The following JMJD1C variants were observed in gnomAD, a reference collection of about 807,000 sequenced individuals.
JMJD1C encodes the protein jumonji domain containing 1C, also known as jumonji domain-containing protein 1C.
JMJD1C carries 31 observed loss-of-function variants against 245.3 expected under a neutral mutation model. The ratio of observed to expected loss-of-function variants is 0.13; its 90% CI spans 0.09 to 0.17. The LOEUF is 0.17. Among genes scored for constraint, JMJD1C ranks in the 10% least tolerant of loss-of-function variants. The probability of loss-of-function intolerance (pLI) is 1.00; values close to 1 mark genes in which losing one functional copy is unlikely to be tolerated. For missense variants in JMJD1C, 2,691 were observed against 3,000.2 expected, an observed-to-expected ratio of 0.90 and a Z score of 2.41; for synonymous variants, 1,057 against 1,017.4, an observed-to-expected ratio of 1.04 and a Z score of -0.74.
chr10:63,431,703 G>C (rs897714611), intron 1 of JMJD1C, among the ~76,000 whole-genome samples: 2 of 152,302 alleles, frequency 1.3e-5, no homozygotes, highest in South Asian at 4.1e-4. Context: ...AGGTTTTGGG[G>C]TATGCACTGT....
chr10:63,361,726 A>G (rs1287537681), intron 2 of JMJD1C, among the ~76,000 whole-genome samples: 1 of 45,694 alleles, frequency 2.2e-5, no homozygotes, highest in African/African-American at 6.7e-5. Context: ...AACTAAAAAA[A>G]AAAAAAAAAA....
At chr10:63,339,331 G>C (rs982186052) in intron 2 of JMJD1C, among the ~76,000 whole-genome samples, 1 of 152,102 alleles carries the variant, frequency 6.6e-6, no homozygotes, top group Non-Finnish European at 1.5e-5. Flanking sequence ...ATAAGATCAA[G>C]AAAAGTGAGG....
chr10:63,286,321 G>A (rs1857974921), intron 2 of JMJD1C, among the ~76,000 whole-genome samples: 1 of 152,168 alleles, frequency 6.6e-6, no homozygotes, highest in African/African-American at 2.4e-5. Flanking sequence ...CACTGAGGGT[G>A]GGTCCCAGGA....
In JMJD1C at chr10:63,512,658, T is replaced by C. The variant is rs185351403; in HGVS notation, n.113+9080A>G. Among the ~76,000 whole-genome samples, 233 of 152,346 alleles carry C rather than the reference T, an allele frequency of 1.5e-3. 1 individual carries two copies. Among genetic ancestry groups the C allele is most frequent in the Non-Finnish European group, 1.4e-3 (93 of 68,028 alleles). On this transcript the variant is annotated intron_variant and non_coding_transcript_variant, in intron 1 of 3. Coordinates refer to the JMJD1C transcript ENST00000633035. The stretch of plus-strand genomic sequence containing the variant: ...GATTTTCTGAAGTTTGAATATGGTG[T>C]GGCTAAGTGTAGATTTTTGGCACTT...
chr10:63,289,621 C>T (rs1013590353), intron 2 of JMJD1C, among the ~76,000 whole-genome samples: 4 of 152,102 alleles, frequency 2.6e-5, no homozygotes, highest in Non-Finnish European at 1.5e-5. Flanking sequence ...TATGTATTTA[C>T]AAGTTAAATC....
Position 63,215,146 on chromosome 10 carries a change from G to A in JMJD1C, c.1021C>T (p.Pro341Ser). ...ATCAAGTGTTTGTTTTTACCTTTAG[G>A]ATTTTCTGTAGGATTAAAGAAAGAA... The part of the protein sequence containing the change: ...KYDYISRGEN[P>S]KGKNKHLMNK... Residue 341 changes from proline to serine, a missense_variant, in exon 8 of 26, where the codon CCT (proline) becomes TCT (serine). Around this residue, in one of 9 missense-constraint regions of JMJD1C, gnomAD observed 1,562 missense variants for 1,490.7 expected, o/e 1.05. Transcript: ENST00000399262. 6.5e-7 allele frequency: 1 copy of A among 1,538,852 alleles called. No homozygotes were observed. Among genetic ancestry groups the A allele is most frequent in the South Asian group, 1.2e-5 (1 of 80,826 alleles).
intron 1 of JMJD1C, among the ~76,000 whole-genome samples, chr10:63,408,937 T>C (rs79268417): frequency 6.6e-6 from 1 of 152,154 alleles, no homozygotes; most frequent in Non-Finnish European, 1.5e-5. Context: ...CAAACCTGAA[T>C]GTACTGAAAT....
intron 18 of JMJD1C, among the ~76,000 whole-genome samples, chr10:63,186,869 G>A (rs2132930571): frequency 1.3e-5 from 2 of 152,320 alleles, no homozygotes; most frequent in South Asian, 4.1e-4. Context: ...AGAGAACACA[G>A]TAAGCTATGA....
chr10:63,281,330 T>G (rs1167452966), intron 2 of JMJD1C, among the ~76,000 whole-genome samples: 1 of 141,728 alleles, frequency 7.1e-6, no homozygotes, highest in Non-Finnish European at 1.5e-5. Context: ...TTGTTTGTTT[T>G]TTGTTTTTTT....
At chr10:63,345,709 G>C (rs1358458067) in intron 2 of JMJD1C, among the ~76,000 whole-genome samples, 1 of 152,152 alleles carries the variant, frequency 6.6e-6, no homozygotes, top group Non-Finnish European at 1.5e-5. Context: ...TTTAAGGTAA[G>C]AGAACTATTT....
At chr10:63,396,551 A>G (rs1156409445) in intron 1 of JMJD1C, among the ~76,000 whole-genome samples, 2 of 152,224 alleles carry the variant, frequency 1.3e-5, no homozygotes, top group African/African-American at 2.4e-5. Context: ...CAGATGATAT[A>G]CAACGGGCAA....
intron 3 of JMJD1C, chr10:63,223,072 AT>A (rs1288245975): frequency 6.3e-5 from 59 of 939,594 alleles, no homozygotes; most frequent in Non-Finnish European, 9.1e-5. Flanking sequence ...TCCACTTTCC[AT>A]CATGTATGTA....
chr10:63,391,542 A>C (rs565802445), intron 1 of JMJD1C, among the ~76,000 whole-genome samples: 18 of 138,344 alleles, frequency 1.3e-4, no homozygotes, highest in East Asian at 6.6e-4. Context: ...ACAACAACAA[A>C]AAAGACAATT....
chr10:63,473,042 C>T (rs1214624640), intron 1 of JMJD1C, among the ~76,000 whole-genome samples: 1 of 152,158 alleles, frequency 6.6e-6, no homozygotes, highest in African/African-American at 2.4e-5. Context: ...CTCGGCCTCC[C>T]AAAGTGCTGG....
chr10:63,438,381 AT>A (rs1473196120), intron 1 of JMJD1C, among the ~76,000 whole-genome samples: 1 of 152,050 alleles, frequency 6.6e-6, no homozygotes, highest in Non-Finnish European at 1.5e-5. Flanking sequence ...CACCTCTACC[AT>A]TGCTATCACC....
At position 63,208,003 on chromosome 10, in the gene JMJD1C, G is replaced by A; in HGVS notation, c.3666C>T (p.Gly1222=). The A allele has an allele frequency of 6.2e-7, 1 of 1,614,132 alleles. No individual in the cohort carries two copies. The highest frequency in any genetic ancestry group is 1.1e-5 in the South Asian group (1 of 91,086). The change falls in exon 10 of 26, where the codon GGC becomes GGT. Residue 1222 remains glycine (G), a synonymous_variant. Coordinates refer to ENST00000399262, the MANE Select transcript of JMJD1C (RefSeq NM_032776.3). The part of the protein sequence containing the change: ...PIHHSLERKE[G]SYSSLSPPTL... ...TTGGAGGGGAAAGACTACTATAGCT[G>A]CCTTCCTTTCTTTCCAGGCTGTGAT...
intron 2 of JMJD1C, among the ~76,000 whole-genome samples, chr10:63,323,210 A>G (rs189757380): frequency 6.6e-6 from 1 of 152,274 alleles, no homozygotes; most frequent in Admixed American, 6.5e-5. Context: ...GTTGGCCACA[A>G]CAAATTAATT....
intron 3 of JMJD1C, among the ~76,000 whole-genome samples, chr10:63,260,907 A>T (rs1854640766): frequency 6.6e-6 from 1 of 152,086 alleles, no homozygotes; most frequent in African/African-American, 2.4e-5. Context: ...AAAACTATTA[A>T]AAGTACCTTT....
At chr10:63,227,577 A>T (rs944060046) in intron 3 of JMJD1C, among the ~76,000 whole-genome samples, 1 of 152,214 alleles carries the variant, frequency 6.6e-6, no homozygotes, top group Non-Finnish European at 1.5e-5. Flanking sequence ...ATTGATACTG[A>T]TATGTGTGGC....
Sources: allele counts gnomAD v4.1 joint callset (sites outside exome capture counted in the v4.1 genomes callset), GRCh38; gene constraint gnomAD v4.1.1; regional missense constraint gnomAD v4.1.1; transcripts MANE v1.5; gene names NCBI Gene and HGNC (gene_info 2026-07-23, HGNC 2026-07-21).